RUFY1: variants seen among roughly 807,000 people sequenced by gnomAD.
The protein encoded by RUFY1 is RUN and FYVE domain containing 1.
In RUFY1, 54 loss-of-function variants were observed where a neutral mutation model predicts 94.6. The observed-to-expected ratio is 0.57, with a 90% CI of 0.46 to 0.72. The LOEUF (loss-of-function observed/expected upper bound fraction) is 0.72, where lower values mean the gene tolerates loss of function less well. RUFY1 is among the 30% of genes least tolerant of loss of function. RUFY1 has a pLI of 0.00. For synonymous variants in RUFY1, 396 were observed against 347.3 expected, an observed-to-expected ratio of 1.14 and a Z score of -1.56; for missense variants, 883 against 883.9, an observed-to-expected ratio of 1.00 and a Z score of 0.01.
intron 12 of RUFY1, chr5:179,595,907 T>G (rs1211377010): frequency 6.5e-6 from 1 of 154,718 alleles, no homozygotes; most frequent in Non-Finnish European, 1.4e-5. Flanking sequence ...AGCTAATGGA[T>G]CTCTCATACT....
At position 179,550,689 on chromosome 5, in the gene RUFY1, C is replaced by A; in HGVS notation, c.120C>A (p.Asp40Glu). Residue 40 changes from aspartate to glutamate, a missense_variant, in exon 1 of 18, where the codon GAC becomes GAA. Coordinates refer to ENST00000319449, the MANE Select transcript of RUFY1 (RefSeq NM_025158.5). Reference protein sequence around the residue: ...LEPGEEFEIVDRSQLPGPGDL... With the variant: ...LEPGEEFEIVERSQLPGPGDL... ...CGGGAGAAGAGTTTGAGATCGTGGA[C>A]CGAAGCCAGCTGCCCGGCCCAGGCG... 6.7e-7 allele frequency: 1 copy of A among 1,497,538 alleles called. No homozygotes were observed. Among genetic ancestry groups the A allele is most frequent in the East Asian group, 2.8e-5 (1 of 35,366 alleles). 92.8% of individuals were successfully genotyped at this position (1,497,538 alleles called of 1,614,324 possible). A position where few individuals can be genotyped will look rare whatever the true frequency, so the allele number is the denominator to read the frequency against.
chr5:179,607,946 C>G (rs1432350365), intron 17 of RUFY1, among the ~76,000 whole-genome samples: 1 of 152,224 alleles, frequency 6.6e-6, no homozygotes, highest in Non-Finnish European at 1.5e-5. Flanking sequence ...GTGTGCAGAG[C>G]TGCTCTAGGG....
rs537884789 is a variant in RUFY1, at chr5:179,560,741, A to C, written c.484+543A>C. On this transcript the variant is annotated intron_variant, in intron 2 of 17. Coordinates refer to ENST00000319449, the MANE Select transcript of RUFY1 (RefSeq NM_025158.5). The stretch of plus-strand genomic sequence containing the variant: ...ACTCCGTCTCAAAAAAAAAAAAAAA[A>C]AAGAAAAAAGAAAAAAAAGTGTTAG... 1.4e-4 allele frequency among the ~76,000 whole-genome samples: 21 copies of C among 151,224 alleles called. No homozygotes were observed. In the East Asian group the frequency reaches 4.1e-3, roughly 29 times the overall value.
chr5:179,595,393 C>T (rs1159197432), intron 12 of RUFY1, among the ~76,000 whole-genome samples: 1 of 152,092 alleles, frequency 6.6e-6, no homozygotes, highest in Non-Finnish European at 1.5e-5. Context: ...GGGCAAAAGA[C>T]TTGAAACAGA....
At chr5:179,555,801 G>T (rs750399882) in intron 1 of RUFY1, 62 of 206,192 alleles carry the variant, frequency 3.0e-4, no homozygotes, top group Middle Eastern at 3.6e-3. Context: ...GTAATTTTTT[G>T]GATTTTTTTT....
intron 5 of RUFY1, among the ~76,000 whole-genome samples, chr5:179,574,264 G>A (rs943124253): frequency 3.9e-5 from 6 of 152,052 alleles, no homozygotes; most frequent in African/African-American, 9.7e-5. Context: ...GCGTGGTGGC[G>A]TGTGCCTGTA....
intron 15 of RUFY1, 112 bp from the exon 16 acceptor site, chr5:179,605,764 C>T (rs1767011131): frequency 1.3e-6 from 1 of 764,870 alleles, no homozygotes; most frequent in Non-Finnish European, 2.3e-6. Flanking sequence ...CGTTCTGGGT[C>T]TCCTCACAAG....
intron 15 of RUFY1, 152 bp downstream of exon 15, chr5:179,602,138 G>A (rs894875563): frequency 3.8e-5 from 24 of 637,566 alleles, no homozygotes; most frequent in South Asian, 5.6e-5. Flanking sequence ...CAGGAAGCCC[G>A]GCCTCAGAGG....
intron 14 of RUFY1, among the ~76,000 whole-genome samples, 161 bp downstream of exon 14, chr5:179,598,982 A>G (rs935873288): frequency 2.0e-5 from 3 of 152,200 alleles, no homozygotes; most frequent in African/African-American, 7.2e-5. Context: ...AGCATAAGAC[A>G]AAGACAAATC....
chr5:179,555,631 T>C, intron 1 of RUFY1: 2 of 370,822 alleles, frequency 5.4e-6, no homozygotes, highest in Non-Finnish European at 1.0e-5. Context: ...CTTTTTTTTT[T>C]TTTTTTTTTT....
chr5:179,594,868 T>C lies in RUFY1; in HGVS notation c.1416T>C (p.Asn472=), dbSNP rs75505498. 2,512 of 1,609,850 alleles carry C rather than the reference T, an allele frequency of 1.6e-3. 29 individuals carry two copies. The African/African-American group carries it at 0.022, about 14-fold the overall frequency. Residue 472 remains asparagine, a splice_region_variant and synonymous_variant, in exon 12 of 18, where the codon AAT becomes AAC. Transcript: ENST00000319449. The part of the protein sequence containing the change: ...INLQMFHKAQ[N]AESSLQQKNE... ...GAACCCTTCCTTTGCTTTTGTAGAA[T>C]GCAGAGAGCAGTTTGCAGCAGAAGA...
intron 10 of RUFY1, among the ~76,000 whole-genome samples, chr5:179,593,089 G>GT (rs1202755954): frequency 6.6e-6 from 1 of 152,036 alleles, no homozygotes; most frequent in Non-Finnish European, 1.5e-5. Context: ...GTTTTGGTTT[G>GT]TTTTTTTCTT....
At position 179,607,658 on chromosome 5, in the gene RUFY1, A is replaced by C. The variant is rs760541825; in HGVS notation, c.1982A>C (p.Lys661Thr). 6.2e-7 allele frequency: 1 copy of C among 1,613,332 alleles called. No individual in the cohort carries two copies. The highest frequency in any genetic ancestry group is 8.5e-7 in the Non-Finnish European group (1 of 1,179,450). ...CEKEFSISRR[K>T]HHCRNCGHIF... ...AAGGAGTTCTCCATTTCCCGGAGAA[A>C]GGTACGTGGGGGCTCCACCCACCCT... The change falls in exon 17 of 18, where the codon AAG (lysine) becomes ACG (threonine). Residue 661 changes from lysine (K) to threonine (T), a missense_variant and splice_region_variant. Physicochemically the swap from Lys to Thr is moderately conservative, Grantham distance 78. Transcript: ENST00000319449.
intron 13 of RUFY1, chr5:179,598,409 A>G (rs1765907199): frequency 7.9e-6 from 3 of 379,770 alleles, no homozygotes; most frequent in Non-Finnish European, 1.4e-5. Flanking sequence ...TCAGGTCTCC[A>G]TGTCGGGAGG....
intron 5 of RUFY1, among the ~76,000 whole-genome samples, chr5:179,570,970 G>A (rs116025187): frequency 1.9e-3 from 285 of 151,430 alleles, no homozygotes; most frequent in Admixed American, 3.7e-3. Context: ...ATGTGTGTGT[G>A]TATATGTTTG....
At chr5:179,575,416 ATG>A (rs1763543507) in intron 5 of RUFY1, among the ~76,000 whole-genome samples, 1 of 152,192 alleles carries the variant, frequency 6.6e-6, no homozygotes, top group African/African-American at 2.4e-5. Flanking sequence ...GGACATCTCC[ATG>A]TTTACATGGT....
intron 13 of RUFY1, 64 bp downstream of exon 13, chr5:179,596,745 A>G: frequency 8.9e-7 from 1 of 1,124,422 alleles, no homozygotes; most frequent in Non-Finnish European, 1.1e-6. Flanking sequence ...AGAACTGGGG[A>G]CAGGTGGTAT....
intron 7 of RUFY1, among the ~76,000 whole-genome samples, chr5:179,584,443 C>T (rs926570035): frequency 6.6e-6 from 1 of 152,100 alleles, no homozygotes; most frequent in East Asian, 1.9e-4. Context: ...GTAGGATCTA[C>T]CTCATTGAAT....
chr5:179,578,166 G>A (rs1011245829), intron 6 of RUFY1, among the ~76,000 whole-genome samples: 1 of 152,098 alleles, frequency 6.6e-6, no homozygotes, highest in African/African-American at 2.4e-5. Context: ...TATATAAGTT[G>A]CCCTTGGACT....
Sources: allele counts gnomAD v4.1 joint callset (sites outside exome capture counted in the v4.1 genomes callset), GRCh38; gene constraint gnomAD v4.1.1; transcripts MANE v1.5; gene names NCBI Gene and HGNC (gene_info 2026-07-23, HGNC 2026-07-21).